The following TBC1D22A variants were observed in gnomAD, a reference collection of about 807,000 sequenced individuals.
TBC1D22A encodes TBC1 domain family member 22A.
Under a neutral mutation model 60.2 loss-of-function variants are expected in TBC1D22A, and 38 were observed. That is an observed-to-expected ratio of 0.63 (90% CI 0.49 to 0.83). TBC1D22A has a LOEUF of 0.83. Ranked by LOEUF, TBC1D22A falls within the 40% of genes least tolerant of loss-of-function variation. TBC1D22A has a pLI of 0.00. For synonymous variants in TBC1D22A, 302 were observed against 281.7 expected (o/e 1.07, Z -0.72); for missense variants, 628 against 701.0 (o/e 0.90, Z 1.18).
chr22:47,102,072 C>T lies in TBC1D22A; in HGVS notation c.1330-9436C>T, dbSNP rs545295984. On this transcript the variant is annotated intron_variant, in intron 11 of 12. Transcript: ENST00000337137. Reference sequence around the variant, plus strand: ...TTGTTTCAGGGTAGGGGGAGGAAACCGTTTCCGTCCCCCAACCCCCACTTG... The same window carrying T: ...TTGTTTCAGGGTAGGGGGAGGAAACTGTTTCCGTCCCCCAACCCCCACTTG... Among the ~76,000 whole-genome samples the T allele has an allele frequency of 3.5e-4, 53 of 152,246 alleles. 1 individual carries two copies. Among genetic ancestry groups the T allele is most frequent in the African/African-American group, 1.2e-3 (50 of 41,540 alleles).
At chr22:46,809,097 G>T (rs1444597942) in intron 4 of TBC1D22A, among the ~76,000 whole-genome samples, 3 of 152,232 alleles carry the variant, frequency 2.0e-5, no homozygotes, top group Admixed American at 1.3e-4. Context: ...AGACTGGGTG[G>T]TTTATGCAGT....
At chr22:47,015,002 C>T (rs1183860748) in intron 10 of TBC1D22A, among the ~76,000 whole-genome samples, 2 of 152,242 alleles carry the variant, frequency 1.3e-5, no homozygotes, top group African/African-American at 4.8e-5. Context: ...GTGCACACAC[C>T]TGCACAGAGC....
At chr22:47,046,216 G>A (rs978096068) in intron 11 of TBC1D22A, among the ~76,000 whole-genome samples, 20 of 152,174 alleles carry the variant, frequency 1.3e-4, no homozygotes, top group Non-Finnish European at 2.5e-4. Context: ...GAGGGCCCCC[G>A]AGTGGGACGG....
chr22:47,053,996 G>C (rs533289882), intron 11 of TBC1D22A, among the ~76,000 whole-genome samples: 1 of 152,194 alleles, frequency 6.6e-6, no homozygotes, highest in Non-Finnish European at 1.5e-5. Flanking sequence ...GAGAGGCCCT[G>C]ACTCATCAGT....
At chr22:46,889,448 A>G (rs905560932) in intron 5 of TBC1D22A, among the ~76,000 whole-genome samples, 1 of 152,192 alleles carries the variant, frequency 6.6e-6, no homozygotes, top group Non-Finnish European at 1.5e-5. Context: ...TTCTTTAGAA[A>G]AAGAGGTGAC....
chr22:46,906,745 C>T (rs998248168), intron 7 of TBC1D22A, among the ~76,000 whole-genome samples: 7 of 149,752 alleles, frequency 4.7e-5, no homozygotes, highest in Admixed American at 2.0e-4. Context: ...TTCACTGGCC[C>T]GTGGCTGTGT....
intron 1 of TBC1D22A, chr22:46,789,372 G>T (rs774864805): frequency 2.2e-6 from 1 of 455,394 alleles, no homozygotes. Context: ...TGATCCGCCC[G>T]CCTCGGCCTC....
chr22:46,846,348 TA>T (rs1420212039), intron 4 of TBC1D22A, among the ~76,000 whole-genome samples: 1 of 152,228 alleles, frequency 6.6e-6, no homozygotes, highest in Non-Finnish European at 1.5e-5. Context: ...CGACATCGCT[TA>T]CTCACCTATG....
chr22:46,958,125 C>T (rs1025170705), intron 8 of TBC1D22A, among the ~76,000 whole-genome samples: 1 of 152,144 alleles, frequency 6.6e-6, no homozygotes, highest in South Asian at 2.1e-4. Context: ...TGGCTCTCAT[C>T]AGGGAGCCCT....
chr22:46,779,579 C>G (rs2083852412), intron 1 of TBC1D22A, among the ~76,000 whole-genome samples: 1 of 152,136 alleles, frequency 6.6e-6, no homozygotes, highest in African/African-American at 2.4e-5. Flanking sequence ...CAAAATACTT[C>G]CATTTCCTTC....
At chr22:47,162,626 G>C (rs2068034166) in intron 12 of TBC1D22A, among the ~76,000 whole-genome samples, 1 of 52,580 alleles carries the variant, frequency 1.9e-5, no homozygotes, top group Non-Finnish European at 4.8e-5. Flanking sequence ...TGGGACTGTG[G>C]ACCCGGTGCA....
intron 9 of TBC1D22A, among the ~76,000 whole-genome samples, chr22:46,992,745 T>C (rs972088850): frequency 6.6e-6 from 1 of 152,124 alleles, no homozygotes; most frequent in Admixed American, 6.5e-5. Context: ...TGGCTGACAG[T>C]GGAGTGCAGC....
At position 46,933,330 on chromosome 22, in the gene TBC1D22A, G is replaced by T. The variant is rs544465043; in HGVS notation, c.1015+21142G>T. Reference sequence around the variant, plus strand: ...GGTGCAGGTCCTGGGCCTCAGGTGGGCCTTCCCATTAGGTAAGCAGTGTCT... The same window carrying T: ...GGTGCAGGTCCTGGGCCTCAGGTGGTCCTTCCCATTAGGTAAGCAGTGTCT... On this transcript the variant is annotated intron_variant, in intron 8 of 12. Coordinates refer to ENST00000337137, the MANE Select transcript of TBC1D22A (RefSeq NM_014346.5). Among the ~76,000 whole-genome samples, 32 of 152,298 alleles carry T rather than the reference G, an allele frequency of 2.1e-4. No homozygotes were observed. The South Asian group carries it at 6.4e-3, about 31-fold the overall frequency.
Position 47,092,986 on chromosome 22 carries a change from G to A in TBC1D22A, c.1330-18522G>A, listed in dbSNP as rs139910746. Among the ~76,000 whole-genome samples, 1,006 of 152,316 alleles carry A rather than the reference G, an allele frequency of 6.6e-3. 7 individuals carry two copies. The highest frequency in any genetic ancestry group is 8.2e-3 in the Non-Finnish European group (561 of 68,028). Reference sequence around the variant, plus strand: ...AATGCTGAGTCATCAGACATGGAATGTTGAGATTTGGGAAATGGGAGGAGG... The same window carrying A: ...AATGCTGAGTCATCAGACATGGAATATTGAGATTTGGGAAATGGGAGGAGG... On this transcript the variant is annotated intron_variant, in intron 11 of 12. Transcript: ENST00000337137.
chr22:47,168,608 T>C (rs559612595), intron 12 of TBC1D22A, among the ~76,000 whole-genome samples: 1 of 152,222 alleles, frequency 6.6e-6, no homozygotes, highest in South Asian at 2.1e-4. Flanking sequence ...CTGCCCGTTC[T>C]CACATGAGCC....
chr22:47,104,165 G>A (rs2065530666), intron 11 of TBC1D22A, among the ~76,000 whole-genome samples: 1 of 152,014 alleles, frequency 6.6e-6, no homozygotes, highest in Admixed American at 6.6e-5. Flanking sequence ...AATTAGCTAG[G>A]TGTGGTGGTG....
Position 47,151,071 on chromosome 22 carries a change from C to T in TBC1D22A, c.1426-22427C>T, listed in dbSNP as rs1370715444. Among the ~76,000 whole-genome samples, 6 of 152,182 alleles carry T rather than the reference C, an allele frequency of 3.9e-5. No individual in the cohort carries two copies. The East Asian group carries it at 9.7e-4, about 25-fold the overall frequency. On this transcript the variant is annotated intron_variant, in intron 12 of 12. Coordinates refer to ENST00000337137, the MANE Select transcript of TBC1D22A (RefSeq NM_014346.5). ...GGGATCCGCTGTGGCCCCTCAGAGG[C>T]TGAGGGGCCTGTGAGCTGCGTGGGG...
At chr22:47,033,904 C>T (rs1042220010) in intron 10 of TBC1D22A, among the ~76,000 whole-genome samples, 7 of 152,144 alleles carry the variant, frequency 4.6e-5, no homozygotes, top group African/African-American at 1.7e-4. Context: ...TGACTTCATT[C>T]TGGGGGCCAG....
At chr22:47,136,181 A>T (rs1467636526) in intron 12 of TBC1D22A, among the ~76,000 whole-genome samples, 1 of 152,228 alleles carries the variant, frequency 6.6e-6, no homozygotes, top group East Asian at 1.9e-4. Context: ...GAGGCCTCCC[A>T]GTGCCAGCTG....
Sources: gnomAD v4.1 joint callset for allele counts (sites outside exome capture counted in the v4.1 genomes callset) on GRCh38, gnomAD v4.1.1 for gene constraint, MANE v1.5 for transcripts, NCBI Gene and HGNC (gene_info 2026-07-23, HGNC 2026-07-21) for gene names.